MARCHF10: variants seen among roughly 807,000 people sequenced by gnomAD.
MARCHF10 encodes probable E3 ubiquitin-protein ligase MARCHF10.
MARCHF10 carries 64 observed loss-of-function variants against 76.2 expected under a neutral mutation model. The ratio of observed to expected loss-of-function variants is 0.84; its 90% CI spans 0.69 to 1.03. The LOEUF (loss-of-function observed/expected upper bound fraction) is 1.03. Ranked by LOEUF, MARCHF10 falls within the 50% of genes least tolerant of loss-of-function variation. The pLI is 0.00. For synonymous variants in MARCHF10, 340 were observed against 357.5 expected (o/e 0.95, Z 0.55); for missense variants, 875 against 958.0 (o/e 0.91, Z 1.14).
At chr17:62,753,662 C>T (rs1182832903) in intron 4 of MARCHF10, among the ~76,000 whole-genome samples, 2 of 152,192 alleles carry the variant, frequency 1.3e-5, no homozygotes, top group Non-Finnish European at 2.9e-5. Context: ...TCAGTACCTG[C>T]TGCCAGGCAC....
chr17:62,790,655 T>C (rs748536208), intron 2 of MARCHF10, among the ~76,000 whole-genome samples: 1 of 152,222 alleles, frequency 6.6e-6, no homozygotes, highest in Non-Finnish European at 1.5e-5. Context: ...AAAGGAAAGA[T>C]TCCTTCAGCA....
intron 4 of MARCHF10, among the ~76,000 whole-genome samples, chr17:62,746,089 T>C (rs1032927625): frequency 1.3e-5 from 2 of 152,220 alleles, no homozygotes; most frequent in African/African-American, 2.4e-5. Flanking sequence ...TGTAGTCGTG[T>C]GAATAGTTTT....
At chr17:62,724,243 A>C (rs1251678840) in intron 7 of MARCHF10, among the ~76,000 whole-genome samples, 2 of 151,840 alleles carry the variant, frequency 1.3e-5, no homozygotes, top group Non-Finnish European at 2.9e-5. Flanking sequence ...GCTTTAAAGA[A>C]ACCTTCTGTT....
chr17:62,716,402 G>A (rs1306570857), intron 8 of MARCHF10, among the ~76,000 whole-genome samples: 5 of 151,270 alleles, frequency 3.3e-5, no homozygotes, highest in African/African-American at 1.2e-4. Context: ...GACCAGCCTG[G>A]GCAACAAAGT....
At chr17:62,773,773 G>C (rs528609239) in intron 3 of MARCHF10, among the ~76,000 whole-genome samples, 1 of 152,290 alleles carries the variant, frequency 6.6e-6, no homozygotes, top group South Asian at 2.1e-4. Context: ...GAAGATTAGG[G>C]AGAAGGAAGA....
At chr17:62,704,278 G>C (rs2089438769) in intron 10 of MARCHF10, among the ~76,000 whole-genome samples, 1 of 151,962 alleles carries the variant, frequency 6.6e-6, no homozygotes, top group Non-Finnish European at 1.5e-5. Flanking sequence ...CGACACAAAG[G>C]TCTTTTAAAG....
At chr17:62,802,947 T>C (rs1013908700) in intron 1 of MARCHF10, among the ~76,000 whole-genome samples, 1 of 152,166 alleles carries the variant, frequency 6.6e-6, no homozygotes, top group Non-Finnish European at 1.5e-5. Context: ...GATTCGTGTT[T>C]TTATTTATTT....
chr17:62,778,127 T>C (rs548461643), intron 3 of MARCHF10, among the ~76,000 whole-genome samples: 1 of 151,858 alleles, frequency 6.6e-6, no homozygotes, highest in East Asian at 1.9e-4. Context: ...GCCCAGAGGG[T>C]GTTCTAAGAA....
intron 4 of MARCHF10, among the ~76,000 whole-genome samples, chr17:62,759,616 T>C (rs938683273): frequency 3.9e-5 from 6 of 152,140 alleles, no homozygotes; most frequent in Non-Finnish European, 8.8e-5. Context: ...GTAGCTGGGA[T>C]TACAGGATTA....
intron 4 of MARCHF10, among the ~76,000 whole-genome samples, chr17:62,745,607 C>T (rs1394291175): frequency 6.6e-6 from 1 of 152,208 alleles, no homozygotes; most frequent in Admixed American, 6.5e-5. Context: ...AGAAAGGTTG[C>T]AAGCATCTGG....
chr17:62,767,491 C>T (rs1256142926), intron 3 of MARCHF10, among the ~76,000 whole-genome samples: 1 of 132,088 alleles, frequency 7.6e-6, no homozygotes, highest in Admixed American at 9.3e-5. Flanking sequence ...CCCTCTGTCG[C>T]CCAGGCCGGA....
intron 4 of MARCHF10, among the ~76,000 whole-genome samples, chr17:62,756,802 T>A (rs2092056904): frequency 6.6e-6 from 1 of 152,138 alleles, no homozygotes. Flanking sequence ...TGCAAACATT[T>A]TGACTCCAAA....
chr17:62,807,553 T>C (rs2093181590), intron 1 of MARCHF10, among the ~76,000 whole-genome samples: 1 of 151,990 alleles, frequency 6.6e-6, no homozygotes. Context: ...GTGCCATCAT[T>C]AATAACAATA....
At chr17:62,739,913 T>C (rs1480585087) in intron 5 of MARCHF10, among the ~76,000 whole-genome samples, 1 of 152,176 alleles carries the variant, frequency 6.6e-6, no homozygotes, top group African/African-American at 2.4e-5. Flanking sequence ...AGAGTGATGC[T>C]GGCCTGGGGG....
chr17:62,770,539 T>C (rs1375297645), intron 3 of MARCHF10, among the ~76,000 whole-genome samples: 2 of 141,466 alleles, frequency 1.4e-5, no homozygotes, highest in Non-Finnish European at 3.1e-5. Context: ...CTATTGTATT[T>C]TGACTTTTTT....
intron 4 of MARCHF10, among the ~76,000 whole-genome samples, chr17:62,747,314 T>C (rs185103789): frequency 2.0e-5 from 3 of 152,324 alleles, no homozygotes; most frequent in East Asian, 3.9e-4. Context: ...TAATTTGTTT[T>C]CTTGTTCAAA....
At chr17:62,709,490 A>G (rs970291575) in intron 9 of MARCHF10, among the ~76,000 whole-genome samples, 1 of 152,068 alleles carries the variant, frequency 6.6e-6, no homozygotes, top group Admixed American at 6.6e-5. Context: ...AAATAAAACA[A>G]AAAAACAAAA....
At chr17:62,774,840 G>A (rs529112378) in intron 3 of MARCHF10, among the ~76,000 whole-genome samples, 1 of 152,174 alleles carries the variant, frequency 6.6e-6, no homozygotes, top group Admixed American at 6.5e-5. Flanking sequence ...TGGATCACGA[G>A]GTCAGGAGTT....
chr17:62,781,235 A>G (rs1015857759), intron 3 of MARCHF10, among the ~76,000 whole-genome samples: 2 of 152,214 alleles, frequency 1.3e-5, no homozygotes, highest in Non-Finnish European at 2.9e-5. Flanking sequence ...GAGGGATTCT[A>G]GAAGCCTCAG....
Sources: gnomAD v4.1 joint callset for allele counts (sites outside exome capture counted in the v4.1 genomes callset) on GRCh38, gnomAD v4.1.1 for gene constraint, MANE v1.5 for transcripts, NCBI Gene and HGNC (gene_info 2026-07-23, HGNC 2026-07-21) for gene names.